Variants in RERE observed in about 807,000 individuals in gnomAD.
RERE encodes the protein arginine-glutamic acid dipeptide repeats protein.
Under a neutral mutation model 146.1 loss-of-function variants are expected in RERE, and 40 were observed. The observed-to-expected ratio is 0.27, with a 90% CI of 0.21 to 0.36. RERE has a LOEUF of 0.36. RERE is among the 10% of genes least tolerant of loss of function. RERE has a pLI of 1.00. For missense variants in RERE, 1,933 were observed against 2,138.7 expected, an observed-to-expected ratio of 0.90 and a Z score of 1.90; for synonymous variants, 1,003 against 866.0, an observed-to-expected ratio of 1.16 and a Z score of -2.78.
chr1:8,743,056 G>A (rs1381172779), intron 1 of RERE, among the ~76,000 whole-genome samples: 1 of 151,908 alleles, frequency 6.6e-6, no homozygotes, highest in Non-Finnish European at 1.5e-5. Context: ...ATTTAAAAGT[G>A]TGTGAGTTTA....
At chr1:8,427,637 T>A (rs1316338886) in intron 11 of RERE, among the ~76,000 whole-genome samples, 9 of 116,340 alleles carry the variant, frequency 7.7e-5, no homozygotes, top group South Asian at 2.9e-4. Context: ...GGCCCCACTT[T>A]AAAAAAAAAA....
chr1:8,792,105 A>T (rs1221985021), intron 1 of RERE, among the ~76,000 whole-genome samples: 1 of 152,130 alleles, frequency 6.6e-6, no homozygotes, highest in Admixed American at 6.5e-5. Context: ...GGAAAAAAAA[A>T]AAGAAAACAA....
At chr1:8,435,441 G>T (rs891328500) in intron 11 of RERE, among the ~76,000 whole-genome samples, 6 of 152,196 alleles carry the variant, frequency 3.9e-5, no homozygotes, top group African/African-American at 1.4e-4. Flanking sequence ...CTCATCACCT[G>T]TTCTCCAGTT....
intron 8 of RERE, among the ~76,000 whole-genome samples, chr1:8,498,830 G>A (rs964443352): frequency 2.0e-5 from 3 of 147,636 alleles, no homozygotes; most frequent in Non-Finnish European, 4.4e-5. Context: ...TACGAAAGAA[G>A]GAATTGCTTG....
intron 1 of RERE, among the ~76,000 whole-genome samples, chr1:8,726,388 C>G (rs915208069): frequency 1.3e-5 from 2 of 151,854 alleles, no homozygotes; most frequent in Admixed American, 1.3e-4. Context: ...CTCCTGACCT[C>G]GTGATCCACC....
chr1:8,469,778 T>G (rs2124141110), intron 10 of RERE, among the ~76,000 whole-genome samples: 1 of 152,300 alleles, frequency 6.6e-6, no homozygotes, highest in South Asian at 2.1e-4. Flanking sequence ...GGCCTTTTGG[T>G]GAACCAAGAA....
chr1:8,742,907 G>C (rs1269105974), intron 1 of RERE, among the ~76,000 whole-genome samples: 1 of 149,844 alleles, frequency 6.7e-6, no homozygotes, highest in Non-Finnish European at 1.5e-5. Context: ...GAAGATTTAA[G>C]CTTTTTTGTT....
At chr1:8,479,609 G>A (rs369535851) in intron 10 of RERE, among the ~76,000 whole-genome samples, 3 of 152,186 alleles carry the variant, frequency 2.0e-5, no homozygotes, top group African/African-American at 7.2e-5. Context: ...AGAAGGCAGC[G>A]TGAAGATGAG....
intron 8 of RERE, among the ~76,000 whole-genome samples, chr1:8,501,789 G>A (rs1349534139): frequency 4.3e-5 from 5 of 117,506 alleles, no homozygotes; most frequent in South Asian, 2.9e-4. Flanking sequence ...CTGGCCAGCC[G>A]CCCCGACCGG....
In RERE at chr1:8,656,248, C is replaced by T. The variant is rs1280906308; in HGVS notation, c.50G>A (p.Arg17Gln). The T allele has an allele frequency of 1.9e-6, 3 of 1,611,540 alleles. No homozygotes were observed. Among genetic ancestry groups the T allele is most frequent in the Non-Finnish European group, 2.5e-6 (3 of 1,178,222 alleles). Reference sequence around the variant, plus strand: ...TTTCTCTCTCTCTCGGTCCCGGTCTCGGTCCCGGTCCTTCTCTTTGTCTTT... The same window carrying T: ...TTTCTCTCTCTCTCGGTCCCGGTCTTGGTCCCGGTCCTTCTCTTTGTCTTT... Reference protein sequence around the residue: ...KDKDKEKDRDRDRDREREKRD... With the variant: ...KDKDKEKDRDQDRDREREKRD... The change falls in exon 2 of 23, where the codon CGA becomes CAA. Residue 17 changes from arginine (R) to glutamine (Q), a missense_variant. Arg to Gln is a conservative substitution (Grantham distance 43). Coordinates refer to ENST00000400908, the MANE Select transcript of RERE (RefSeq NM_001042681.2).
chr1:8,654,639 TG>T (rs1331210755), intron 2 of RERE, among the ~76,000 whole-genome samples: 35 of 144,876 alleles, frequency 2.4e-4, no homozygotes, highest in African/African-American at 8.4e-4. Flanking sequence ...TGTTTTTTTT[TG>T]TTTTTTTTTT....
chr1:8,740,196 T>C (rs1640280931), intron 1 of RERE, among the ~76,000 whole-genome samples: 1 of 152,226 alleles, frequency 6.6e-6, no homozygotes, highest in Non-Finnish European at 1.5e-5. Context: ...TGTGTGAACA[T>C]GATAGAGTGT....
intron 1 of RERE, among the ~76,000 whole-genome samples, chr1:8,809,137 TAAAAA>T (rs58263107): frequency 8.4e-5 from 8 of 95,072 alleles, no homozygotes; most frequent in East Asian, 2.7e-4. Context: ...GACTTTGTCT[TAAAAA>T]AAAAAAAAAA....
At chr1:8,561,002 C>T (rs546847815) in intron 4 of RERE, among the ~76,000 whole-genome samples, 1 of 152,336 alleles carries the variant, frequency 6.6e-6, no homozygotes, top group South Asian at 2.1e-4. Flanking sequence ...CTTTTAGATA[C>T]AGTAACTCAA....
At chr1:8,770,253 T>C (rs1640919027) in intron 1 of RERE, among the ~76,000 whole-genome samples, 1 of 152,156 alleles carries the variant, frequency 6.6e-6, no homozygotes, top group Non-Finnish European at 1.5e-5. Context: ...ATTATTGAAA[T>C]AGTTAAGGTA....
chr1:8,529,287 C>CTTTTTTTTTTTT lies in RERE; in HGVS notation c.830+11915_830+11926dup, dbSNP rs34547801. On this transcript the variant is annotated intron_variant, in intron 7 of 22. Coordinates refer to ENST00000400908, the MANE Select transcript of RERE (RefSeq NM_001042681.2). ...CCTCCACAACCATCAGTTCTCCCTTCTTTTTTTTTTTTTTTTTTTTGAGAT... is the reference window on the plus strand; with the variant it reads ...CCTCCACAACCATCAGTTCTCCCTTCTTTTTTTTTTTTTTTTTTTTTTTTTTTTTTTTGAGAT... Among the ~76,000 whole-genome samples, 274 of 102,412 alleles carry CTTTTTTTTTTTT rather than the reference C, an allele frequency of 2.7e-3. 13 individuals carry two copies. Among genetic ancestry groups the CTTTTTTTTTTTT allele is most frequent in the African/African-American group, 6.3e-3 (163 of 26,036 alleles). The allele number at this position is 102,412 out of a possible 152,430, so 67.2% of individuals were successfully genotyped here. A position where few individuals can be genotyped will look rare whatever the true frequency, so the allele number is the denominator to read the frequency against.
chr1:8,765,326 C>G (rs1640826266), intron 1 of RERE, among the ~76,000 whole-genome samples: 1 of 152,104 alleles, frequency 6.6e-6, no homozygotes, highest in African/African-American at 2.4e-5. Flanking sequence ...TTAAGGGCTG[C>G]TTAGGGCTGG....
rs140517019 is a variant in RERE, at chr1:8,362,839, C to T, written c.1746G>A (p.Ser582=). The T allele has an allele frequency of 3.7e-5, 59 of 1,610,398 alleles. No individual in the cohort carries two copies. The African/African-American group carries it at 6.3e-4, about 17-fold the overall frequency. Residue 582 remains serine (S), a synonymous_variant, in exon 16 of 23, where the codon TCG becomes TCA. Coordinates refer to ENST00000400908, the MANE Select transcript of RERE (RefSeq NM_001042681.2). Reference sequence around the variant, plus strand: ...GCTTCTTCCGACCACTGCGTAGTGTCGACATCTGCCCACCCAAACCGAAGA... The same window carrying T: ...GCTTCTTCCGACCACTGCGTAGTGTTGACATCTGCCCACCCAAACCGAAGA... ...MRTRRSRGSM[S]TLRSGRKKQP... is the part of the protein sequence containing the mutation.
chr1:8,633,510 T>C (rs1347552432), intron 2 of RERE, among the ~76,000 whole-genome samples: 6 of 151,992 alleles, frequency 3.9e-5, no homozygotes, highest in Non-Finnish European at 8.8e-5. Flanking sequence ...TTACTAGAAA[T>C]CACAACAATC....
Sources: gnomAD v4.1 joint callset for allele counts (sites outside exome capture counted in the v4.1 genomes callset) on GRCh38, gnomAD v4.1.1 for gene constraint, MANE v1.5 for transcripts, NCBI Gene and HGNC (gene_info 2026-07-23, HGNC 2026-07-21) for gene names.